The following ROBO1 variants were observed in gnomAD, a reference collection of about 807,000 sequenced individuals.
ROBO1 encodes roundabout guidance receptor 1.
ROBO1 carries 149 observed loss-of-function variants against 195.9 expected under a neutral mutation model. The observed-to-expected ratio is 0.76, with a 90% confidence interval of 0.67 to 0.87. ROBO1 has a LOEUF of 0.87. ROBO1 is among the 40% of genes least tolerant of loss of function. The pLI, the probability that ROBO1 is intolerant of heterozygous loss-of-function variation, is 0.00. For synonymous variants in ROBO1, 816 were observed against 733.2 expected, an observed-to-expected ratio of 1.11 and a Z score of -1.82; for missense variants, 1,933 against 2,068.3, an observed-to-expected ratio of 0.93 and a Z score of 1.27.
chr3:78,834,000 G>A (rs1327935437), intron 4 of ROBO1, among the ~76,000 whole-genome samples: 5 of 152,102 alleles, frequency 3.3e-5, no homozygotes, highest in Admixed American at 3.3e-4. Context: ...GCTTATTTAA[G>A]AGAATAAAAT....
chr3:79,086,567 A>C (rs2079375003), intron 3 of ROBO1, among the ~76,000 whole-genome samples: 1 of 152,178 alleles, frequency 6.6e-6, no homozygotes, highest in Non-Finnish European at 1.5e-5. Context: ...CTGCCCAGAC[A>C]GCTGAAGAAA....
At chr3:79,122,965 A>G (rs2080148128) in intron 3 of ROBO1, among the ~76,000 whole-genome samples, 1 of 152,012 alleles carries the variant, frequency 6.6e-6, no homozygotes, top group African/African-American at 2.4e-5. Flanking sequence ...GATGTATAAA[A>G]TCTGCACAGT....
chr3:79,591,782 T>A (rs2107825628), intron 1 of ROBO1, among the ~76,000 whole-genome samples: 1 of 151,906 alleles, frequency 6.6e-6, no homozygotes, highest in Non-Finnish European at 1.5e-5. Context: ...ATAAGTATAT[T>A]GTGTACTGGT....
intron 2 of ROBO1, among the ~76,000 whole-genome samples, chr3:79,338,341 A>G (rs1160614641): frequency 1.3e-5 from 2 of 152,232 alleles, no homozygotes; most frequent in Admixed American, 6.5e-5. Flanking sequence ...CTCAAAAACA[A>G]TTCTCAAATA....
intron 2 of ROBO1, among the ~76,000 whole-genome samples, chr3:79,263,989 T>G (rs926623468): frequency 6.6e-6 from 1 of 152,090 alleles, no homozygotes; most frequent in Admixed American, 6.6e-5. Context: ...AATCCTTGCA[T>G]GTCTTCCCAT....
chr3:78,653,461 G>A (rs927843402), intron 18 of ROBO1, among the ~76,000 whole-genome samples: 1 of 152,104 alleles, frequency 6.6e-6, no homozygotes, highest in African/African-American at 2.4e-5. Context: ...CTCCCCAAAG[G>A]AAACCTGCCT....
At chr3:79,701,455 T>C (rs962371981) in intron 1 of ROBO1, among the ~76,000 whole-genome samples, 1 of 151,700 alleles carries the variant, frequency 6.6e-6, no homozygotes, top group Non-Finnish European at 1.5e-5. Flanking sequence ...ATGACAGAAC[T>C]ATGAGCTAAA....
intron 4 of ROBO1, among the ~76,000 whole-genome samples, chr3:78,878,914 G>A (rs1331939555): frequency 6.6e-6 from 1 of 152,058 alleles, no homozygotes; most frequent in Admixed American, 6.6e-5. Context: ...ATAAAATAGT[G>A]CAATTACAAA....
At chr3:79,149,958 C>T (rs2080734049) in intron 2 of ROBO1, among the ~76,000 whole-genome samples, 1 of 151,664 alleles carries the variant, frequency 6.6e-6, no homozygotes, top group African/African-American at 2.4e-5. Context: ...AGGGGAATTT[C>T]CTATAGTGAG....
At chr3:79,275,871 C>T (rs1439525075) in intron 2 of ROBO1, among the ~76,000 whole-genome samples, 1 of 148,570 alleles carries the variant, frequency 6.7e-6, no homozygotes, top group African/African-American at 2.4e-5. Flanking sequence ...GAAAGTAATC[C>T]CATTTACAAC....
chr3:79,556,509 G>T (rs1382499940), intron 2 of ROBO1, among the ~76,000 whole-genome samples: 4 of 152,012 alleles, frequency 2.6e-5, no homozygotes, highest in Non-Finnish European at 1.5e-5. Flanking sequence ...GCATAAAATT[G>T]TATGTAACCT....
At chr3:78,670,326 AG>A (rs1163397990) in intron 10 of ROBO1, 25 bp from the exon 11 acceptor site, 1 of 1,545,118 alleles carries the variant, frequency 6.5e-7, no homozygotes, top group East Asian at 2.5e-5. Context: ...AACAGGAAAT[AG>A]ATTTCTGCAA....
chr3:79,498,684 T>C (rs1180040847), intron 2 of ROBO1, among the ~76,000 whole-genome samples: 1 of 151,842 alleles, frequency 6.6e-6, no homozygotes, highest in Non-Finnish European at 1.5e-5. Context: ...TGAAACCCCG[T>C]CTCTACTAAA....
chr3:79,362,211 A>C (rs2035796966), intron 2 of ROBO1, among the ~76,000 whole-genome samples: 3 of 152,274 alleles, frequency 2.0e-5, no homozygotes. Flanking sequence ...AGTAGCTTTA[A>C]AGGATAAACC....
chr3:78,832,220 A>G (rs1173234194), intron 4 of ROBO1, among the ~76,000 whole-genome samples: 1 of 152,222 alleles, frequency 6.6e-6, no homozygotes, highest in Admixed American at 6.5e-5. Flanking sequence ...TAACTCATAG[A>G]TGATAATTCA....
intron 4 of ROBO1, among the ~76,000 whole-genome samples, chr3:78,846,822 G>GT (rs972996092): frequency 6.6e-6 from 1 of 152,066 alleles, no homozygotes; most frequent in African/African-American, 2.4e-5. Flanking sequence ...CCTTTCTGTG[G>GT]TTTTCCAAAA....
chr3:79,362,021 G>C (rs1394678777), intron 2 of ROBO1, among the ~76,000 whole-genome samples: 1 of 151,996 alleles, frequency 6.6e-6, no homozygotes, highest in African/African-American at 2.4e-5. Flanking sequence ...TAGAGTGCCG[G>C]ACATGAATCT....
chr3:79,725,231 T>TTC (rs1702867406), intron 1 of ROBO1, among the ~76,000 whole-genome samples: 2 of 144,048 alleles, frequency 1.4e-5, no homozygotes, highest in African/African-American at 2.6e-5. Context: ...TTCTTTTTTT[T>TTC]TTTTTTTTTT....
chr3:78,762,095 G>C (rs1393857142), intron 4 of ROBO1, among the ~76,000 whole-genome samples: 1 of 151,814 alleles, frequency 6.6e-6, no homozygotes, highest in Non-Finnish European at 1.5e-5. Context: ...CATTTTTCTG[G>C]AAAAAATGAT....
Sources: allele counts gnomAD v4.1 joint callset (sites outside exome capture counted in the v4.1 genomes callset), GRCh38; gene constraint gnomAD v4.1.1; transcripts MANE v1.5; gene names NCBI Gene and HGNC (gene_info 2026-07-23, HGNC 2026-07-21).